FRMPD4: variants seen among roughly 807,000 people sequenced by gnomAD.
The protein encoded by FRMPD4 is FERM and PDZ domain containing 4.
A neutral mutation model predicts 94.1 loss-of-function variants in FRMPD4; 22 were observed. The observed-to-expected ratio is 0.23, with a 90% CI of 0.17 to 0.33. The LOEUF (loss-of-function observed/expected upper bound fraction) is 0.33, where lower values mean the gene tolerates loss of function less well. Ranked by LOEUF, FRMPD4 falls within the 10% of genes least tolerant of loss-of-function variation. The probability of loss-of-function intolerance (pLI) is 1.00; values close to 1 mark genes in which losing one functional copy is unlikely to be tolerated. For missense variants in FRMPD4, 1,111 were observed against 1,339.9 expected, an observed-to-expected ratio of 0.83 and a Z score of 2.67; for synonymous variants, 631 against 548.6, an observed-to-expected ratio of 1.15 and a Z score of -2.10.
intron 1 of FRMPD4, among the ~76,000 whole-genome samples, chrX:12,346,638 T>C (rs750166401): frequency 1.9e-3 from 207 of 111,621 alleles, no homozygotes; most frequent in African/African-American, 6.5e-3. Flanking sequence ...TACAAATAAT[T>C]TGGAGTCTGC....
chrX:12,164,258 C>G (rs1194261000), intron 1 of FRMPD4, among the ~76,000 whole-genome samples: 1 of 110,754 alleles, frequency 9.0e-6, no homozygotes, highest in Non-Finnish European at 1.9e-5. Flanking sequence ...CATGTGTTCT[C>G]ATTGTTCAAT....
intron 3 of FRMPD4, among the ~76,000 whole-genome samples, chrX:11,942,228 C>CTTT (rs560019319): frequency 1.4e-4 from 11 of 79,157 alleles, no homozygotes; most frequent in African/African-American, 4.0e-4. Flanking sequence ...TTTTTCTTTC[C>CTTT]TTTTTTTTTT....
intron 2 of FRMPD4, among the ~76,000 whole-genome samples, chrX:12,535,467 G>C (rs778090957): frequency 7.1e-5 from 8 of 111,946 alleles, no homozygotes; most frequent in Middle Eastern, 4.6e-3. Context: ...CTTGACCCCC[G>C]AAGTCAGCAT....
At chrX:12,707,883 G>T (rs1051733308) in intron 13 of FRMPD4, among the ~76,000 whole-genome samples, 1 of 112,048 alleles carries the variant, frequency 8.9e-6, no homozygotes, top group South Asian at 3.7e-4. Flanking sequence ...TTATTCATAC[G>T]TGAGAAAGCA....
intron 3 of FRMPD4, among the ~76,000 whole-genome samples, chrX:12,096,973 A>T (rs2055211312): frequency 8.9e-6 from 1 of 111,958 alleles, no homozygotes; most frequent in Admixed American, 9.5e-5. Flanking sequence ...TAAACCAAAA[A>T]AAAAGTGAAA....
intron 1 of FRMPD4, among the ~76,000 whole-genome samples, chrX:12,204,522 G>A (rs764294248): frequency 1.6e-4 from 18 of 111,318 alleles, no homozygotes; most frequent in Non-Finnish European, 2.8e-4. Context: ...AGGTGCGGGC[G>A]CTGCATGCCC....
intron 3 of FRMPD4, among the ~76,000 whole-genome samples, chrX:12,129,105 C>T (rs1258133394): frequency 8.9e-6 from 1 of 112,121 alleles, no homozygotes. Flanking sequence ...GTTCCAAAGT[C>T]GCTTCCACAT....
intron 3 of FRMPD4, among the ~76,000 whole-genome samples, chrX:12,024,844 G>A (rs2054650625): frequency 8.9e-6 from 1 of 111,834 alleles, no homozygotes; most frequent in Non-Finnish European, 1.9e-5. Context: ...TTTCCATGTT[G>A]ATGGGAGTGA....
At chrX:12,326,329 G>A (rs142970656) in intron 1 of FRMPD4, among the ~76,000 whole-genome samples, 4,644 of 111,795 alleles carry the variant, frequency 0.042, 240 homozygotes, top group African/African-American at 0.14. Flanking sequence ...GGGCCACTGA[G>A]GAGTTGGACC....
At chrX:12,128,118 G>T (rs1315547132) in intron 3 of FRMPD4, among the ~76,000 whole-genome samples, 1 of 112,852 alleles carries the variant, frequency 8.9e-6, no homozygotes, top group Non-Finnish European at 1.9e-5. Flanking sequence ...GGGTTCTGGA[G>T]GATGGTGGCC....
chrX:12,323,223 A>G (rs745808788), intron 1 of FRMPD4, among the ~76,000 whole-genome samples: 3 of 111,812 alleles, frequency 2.7e-5, no homozygotes, highest in African/African-American at 9.7e-5. Context: ...CTGGAAGCAA[A>G]TAGAGTTGTT....
At chrX:12,521,814 G>A (rs1343683153) in intron 2 of FRMPD4, among the ~76,000 whole-genome samples, 3 of 110,911 alleles carry the variant, frequency 2.7e-5, no homozygotes, top group Non-Finnish European at 5.7e-5. Context: ...GAGATAGGAG[G>A]TAGAGCTGAA....
At chrX:11,907,817 C>CT (rs1231006082) in intron 3 of FRMPD4, among the ~76,000 whole-genome samples, 1 of 111,261 alleles carries the variant, frequency 9.0e-6, no homozygotes, top group Non-Finnish European at 1.9e-5. Flanking sequence ...GTTTTTGCAC[C>CT]TTTTTTTCCC....
At chrX:12,398,177 C>T (rs1601898496) in intron 1 of FRMPD4, among the ~76,000 whole-genome samples, 1 of 112,063 alleles carries the variant, frequency 8.9e-6, no homozygotes, top group African/African-American at 3.2e-5. Context: ...AGGGAAGTTA[C>T]ATTGTACATT....
In FRMPD4 at chrX:12,331,835, ATATTTATATACTATATATAAATTATATAT is replaced by A. The variant is rs1473538812; in HGVS notation, c.42-166844_42-166816del. Among the ~76,000 whole-genome samples, 26 of 32,500 alleles carry A rather than the reference ATATTTATATACTATATATAAATTATATAT, an allele frequency of 8.0e-4. 1 individual carries two copies. The highest frequency in any genetic ancestry group is 1.7e-3 in the African/African-American group (6 of 3,575). 28.2% of individuals were successfully genotyped at this position (32,500 alleles called of 115,157 possible). A position where few individuals can be genotyped will look rare whatever the true frequency, so the allele number is the denominator to read the frequency against. On this transcript the variant is annotated intron_variant, in intron 1 of 16. Coordinates refer to ENST00000675598, the MANE Select transcript of FRMPD4 (RefSeq NM_001368397.1). ...TTTATATACTATATATAAATTATATATATTTATATACTATATATAAATTATATATATTTATATACTATATATAAATTATA... is the reference window on the plus strand; with the variant it reads ...TTTATATACTATATATAAATTATATAATTTATATACTATATATAAATTATA...
intron 3 of FRMPD4, among the ~76,000 whole-genome samples, chrX:11,923,196 GTCCAC>G (rs1261012980): frequency 1.8e-5 from 2 of 112,992 alleles, no homozygotes; most frequent in Admixed American, 9.3e-5. Flanking sequence ...TGGAAAAGCA[GTCCAC>G]TCCCCTCCAC....
intron 3 of FRMPD4, among the ~76,000 whole-genome samples, chrX:11,952,981 ACT>A (rs1206685785): frequency 1.8e-5 from 2 of 112,029 alleles, no homozygotes; most frequent in Admixed American, 9.5e-5. Flanking sequence ...TTGGAAATGC[ACT>A]GAGAAGACTC....
intron 1 of FRMPD4, among the ~76,000 whole-genome samples, chrX:12,320,695 A>G (rs2055195915): frequency 9.0e-6 from 1 of 111,627 alleles, no homozygotes; most frequent in Middle Eastern, 4.6e-3. Flanking sequence ...TAATCAGCAT[A>G]TGCTTTCTTA....
At chrX:12,185,370 G>A (rs1204048572) in intron 1 of FRMPD4, among the ~76,000 whole-genome samples, 1 of 111,485 alleles carries the variant, frequency 9.0e-6, no homozygotes, top group Non-Finnish European at 1.9e-5. Context: ...GACTATAGAT[G>A]CCTCACCCCG....
Sources: gnomAD v4.1 joint callset for allele counts (sites outside exome capture counted in the v4.1 genomes callset) on GRCh38, gnomAD v4.1.1 for gene constraint, MANE v1.5 for transcripts, NCBI Gene and HGNC (gene_info 2026-07-23, HGNC 2026-07-21) for gene names.